The following DCHS2 variants were observed in gnomAD, a reference collection of about 807,000 sequenced individuals.
DCHS2 encodes the protein dachsous cadherin-related 2.
Under a neutral mutation model 182.4 loss-of-function variants are expected in DCHS2, and 142 were observed. The ratio of observed to expected loss-of-function variants is 0.78; its 90% CI spans 0.68 to 0.89. DCHS2 has a LOEUF of 0.89. DCHS2 is among the 40% of genes least tolerant of loss of function. DCHS2 has a pLI of 0.00. For missense variants in DCHS2, 4,319 were observed against 4,198.6 expected (o/e 1.03, Z -0.79); for synonymous variants, 1,740 against 1,663.3 (o/e 1.05, Z -1.12).
chr4:154,240,933 C>G, intron 17 of DCHS2, 110 bp from the exon 18 acceptor site: 1 of 1,442,080 alleles, frequency 6.9e-7, no homozygotes, highest in Non-Finnish European at 9.2e-7. Context: ...ATGATTTGCT[C>G]TTTCTTGGCT....
At chr4:154,404,838 C>T (rs150698309) in intron 1 of DCHS2, among the ~76,000 whole-genome samples, 6 of 152,340 alleles carry the variant, frequency 3.9e-5, no homozygotes, top group African/African-American at 1.2e-4. Context: ...GCCACACCAG[C>T]TTTATCATGC....
chr4:154,319,656 TAAAAA>T (rs59154846), intron 9 of DCHS2, among the ~76,000 whole-genome samples: 56,695 of 117,230 alleles, frequency 0.48, 12,696 homozygotes, highest in Admixed American at 0.59. Flanking sequence ...TGGCTGTTAC[TAAAAA>T]AAAAAAAAAA....
At chr4:154,334,504 G>A (rs928931635) in intron 4 of DCHS2, 2 of 199,290 alleles carry the variant, frequency 1.0e-5, no homozygotes, top group Admixed American at 5.3e-5. Flanking sequence ...TATACTAAGT[G>A]GGGAAAGAAG....
intron 14 of DCHS2, among the ~76,000 whole-genome samples, chr4:154,263,438 G>T (rs556545396): frequency 6.6e-6 from 1 of 152,030 alleles, no homozygotes; most frequent in East Asian, 1.9e-4. Context: ...TGGTACAGTT[G>T]TAAGAATTCT....
chr4:154,367,684 T>C (rs1463261437), intron 2 of DCHS2, among the ~76,000 whole-genome samples: 1 of 152,226 alleles, frequency 6.6e-6, no homozygotes, highest in Admixed American at 6.5e-5. Context: ...CACAACAGCC[T>C]GGGTTTTCTC....
chr4:154,286,034 T>C (rs1734378804), intron 13 of DCHS2, among the ~76,000 whole-genome samples: 1 of 152,002 alleles, frequency 6.6e-6, no homozygotes, highest in South Asian at 2.1e-4. Flanking sequence ...AGCAAAAGAA[T>C]TTGTTTGGAA....
chr4:154,406,156 G>A (rs1039532330), intron 1 of DCHS2, among the ~76,000 whole-genome samples: 3 of 152,210 alleles, frequency 2.0e-5, no homozygotes, highest in African/African-American at 7.2e-5. Flanking sequence ...CAGAGTCTGG[G>A]CCAGCATATG....
In DCHS2 at chr4:154,333,284, T is replaced by C; in HGVS notation, c.2924A>G (p.Asn975Ser). The C allele has an allele frequency of 6.2e-7, 1 of 1,614,174 alleles. No individual in the cohort carries two copies. Among genetic ancestry groups the C allele is most frequent in the Non-Finnish European group, 8.5e-7 (1 of 1,180,016 alleles). ...CGAGGTCCTGAGGAACGCTGGGTGG[T>C]TGTCATTGACATCCATGACTGTTAT... is the stretch of plus-strand genomic sequence containing the variant. ...VNITVMDVND[N>S]HPAFLRTSDE... The change falls in exon 5 of 20, where the codon AAC (asparagine) becomes AGC (serine). Residue 975 changes from asparagine (N) to serine (S), a missense_variant. By Grantham distance (46) the Asn-to-Ser change is conservative (BLOSUM62 1). Coordinates refer to ENST00000357232, the MANE Select transcript of DCHS2 (RefSeq NM_001358235.2).
intron 16 of DCHS2, among the ~76,000 whole-genome samples, chr4:154,250,983 C>G (rs1393700865): frequency 6.6e-6 from 1 of 152,218 alleles, no homozygotes; most frequent in South Asian, 2.1e-4. Context: ...TCCAAACATA[C>G]CAAACACTTT....
At chr4:154,283,572 A>G (rs6834372) in intron 13 of DCHS2, among the ~76,000 whole-genome samples, 110,598 of 152,056 alleles carry the variant, frequency 0.73, 41,166 homozygotes, top group African/African-American at 0.88. Flanking sequence ...GATTTTAATG[A>G]GGCAACTTTC....
rs544728883 is a variant in DCHS2 at position 154,251,105 on chromosome 4, A to G, written c.6941+4414T>C. Among the ~76,000 whole-genome samples, 10 of 152,348 alleles carry G rather than the reference A, an allele frequency of 6.6e-5. No individual in the cohort carries two copies. In the South Asian group the frequency reaches 2.1e-3, roughly 32 times the overall value. On this transcript the variant is annotated intron_variant, in intron 16 of 19. Transcript: ENST00000357232. ...TTTTCATGAATTGTGTATTTTGAAA[A>G]AGATAATTAACATCTCAGTCCATTT... is the stretch of plus-strand genomic sequence containing the variant.
At chr4:154,362,310 G>A (rs753468308) in intron 3 of DCHS2, among the ~76,000 whole-genome samples, 2 of 152,146 alleles carry the variant, frequency 1.3e-5, no homozygotes, top group African/African-American at 4.8e-5. Context: ...CACTTACCAT[G>A]CTGTGATTCA....
At position 154,461,358 on chromosome 4, in the gene DCHS2, A is replaced by G. The variant is rs555477699; in HGVS notation, c.2052+27946T>C. ...TAAAGCTGATGGATATAGCTTTTTAAAAAAATAATAAAACATAGTTCTGAA... is the reference window on the plus strand; with the variant it reads ...TAAAGCTGATGGATATAGCTTTTTAGAAAAATAATAAAACATAGTTCTGAA... On this transcript the variant is annotated intron_variant, in intron 1 of 19. Transcript: ENST00000357232. Among the ~76,000 whole-genome samples, 3 of 152,362 alleles carry G rather than the reference A, an allele frequency of 2.0e-5. 1 individual carries two copies. The highest frequency in any genetic ancestry group is 7.2e-5 in the African/African-American group (3 of 41,594).
intron 13 of DCHS2, among the ~76,000 whole-genome samples, chr4:154,283,419 G>A (rs1049048346): frequency 7.8e-5 from 11 of 141,676 alleles, no homozygotes; most frequent in Non-Finnish European, 1.2e-4. Context: ...AAATAATAGA[G>A]AAGCCAGAAA....
chr4:154,303,258 A>T (rs1240414620), intron 12 of DCHS2, among the ~76,000 whole-genome samples: 1 of 152,090 alleles, frequency 6.6e-6, no homozygotes, highest in Non-Finnish European at 1.5e-5. Flanking sequence ...CTGGGATGAC[A>T]GCCATGACCC....
intron 1 of DCHS2, among the ~76,000 whole-genome samples, chr4:154,471,244 A>T (rs1735455405): frequency 6.6e-6 from 1 of 152,218 alleles, no homozygotes; most frequent in Non-Finnish European, 1.5e-5. Context: ...TGATTCCACA[A>T]TCTATACAAT....
At chr4:154,407,986 C>T (rs1158325261) in intron 1 of DCHS2, among the ~76,000 whole-genome samples, 2 of 150,050 alleles carry the variant, frequency 1.3e-5, no homozygotes, top group African/African-American at 4.9e-5. Context: ...ACCCCAAGTA[C>T]CGTCCACCTC....
chr4:154,234,727 G>T lies in DCHS2; in HGVS notation c.9925C>A (p.Pro3309Thr). 6.2e-7 allele frequency: 1 copy of T among 1,613,926 alleles called. No homozygotes were observed. Among genetic ancestry groups the T allele is most frequent in the African/African-American group, 1.3e-5 (1 of 74,990 alleles). Reference sequence around the variant, plus strand: ...AGATGGTAGGGGATGGGAGAGCGTGGGTGTTTCGGAGGCACCTGCCCCAGG... The same window carrying T: ...AGATGGTAGGGGATGGGAGAGCGTGTGTGTTTCGGAGGCACCTGCCCCAGG... ...VNLGQVPPKHPRSPIPYHLGS... is the reference protein window; with the variant it reads ...VNLGQVPPKHTRSPIPYHLGS... The change falls in exon 20 of 20, where the codon CCA (proline) becomes ACA (threonine). Residue 3309 changes from proline (P) to threonine (T), a missense_variant. Physicochemically the swap from Pro to Thr is conservative, Grantham distance 38 (BLOSUM62 -1). Coordinates refer to ENST00000357232, the MANE Select transcript of DCHS2 (RefSeq NM_001358235.2).
intron 13 of DCHS2, among the ~76,000 whole-genome samples, chr4:154,270,797 C>T (rs1373553854): frequency 1.3e-5 from 2 of 151,528 alleles, no homozygotes; most frequent in Non-Finnish European, 2.9e-5. Flanking sequence ...CCCCAAAACA[C>T]TGGAGGTGGG....
Sources: gnomAD v4.1 joint callset for allele counts (sites outside exome capture counted in the v4.1 genomes callset) on GRCh38, gnomAD v4.1.1 for gene constraint, MANE v1.5 for transcripts, NCBI Gene and HGNC (gene_info 2026-07-23, HGNC 2026-07-21) for gene names.